VWC2L: variants seen among roughly 807,000 people sequenced by gnomAD.
VWC2L encodes the protein von Willebrand factor C domain containing 2 like, also known as von Willebrand factor C domain-containing protein 2-like.
VWC2L carries 10 observed loss-of-function variants against 21.6 expected under a neutral mutation model. The ratio of observed to expected loss-of-function variants is 0.46; its 90% CI spans 0.29 to 0.78. The LOEUF is 0.78. Ranked by LOEUF, VWC2L falls within the 30% of genes least tolerant of loss-of-function variation. The pLI, the probability that VWC2L is intolerant of heterozygous loss-of-function variation, is 0.10. For synonymous variants in VWC2L, 96 were observed against 94.3 expected (o/e 1.02, Z -0.10); for missense variants, 209 against 277.1 (o/e 0.75, Z 1.74).
intron 3 of VWC2L, among the ~76,000 whole-genome samples, chr2:214,508,089 G>T (rs1688993260): frequency 6.6e-6 from 1 of 152,072 alleles, no homozygotes; most frequent in South Asian, 2.1e-4. Flanking sequence ...CCATTCTCCT[G>T]CCTCAGCCTC....
At chr2:214,436,500 G>C in intron 2 of VWC2L, 129 bp from the exon 3 acceptor site, 2 of 1,204,650 alleles carry the variant, frequency 1.7e-6, no homozygotes, top group South Asian at 1.6e-5. Context: ...AATGATCGTA[G>C]ACATGGTAAA....
intron 3 of VWC2L, among the ~76,000 whole-genome samples, chr2:214,574,885 G>GA (rs926812613): frequency 6.6e-5 from 10 of 151,886 alleles, no homozygotes; most frequent in Non-Finnish European, 1.2e-4. Flanking sequence ...GGGAAAGACA[G>GA]AAAAAATTTT....
chr2:214,569,386 C>T (rs1157470070), intron 3 of VWC2L, among the ~76,000 whole-genome samples: 2 of 152,090 alleles, frequency 1.3e-5, no homozygotes, highest in Admixed American at 6.6e-5. Context: ...CTTCCCAATG[C>T]TTTATCATGG....
intron 3 of VWC2L, among the ~76,000 whole-genome samples, chr2:214,557,945 A>G (rs1398258069): frequency 6.6e-6 from 1 of 152,158 alleles, no homozygotes; most frequent in African/African-American, 2.4e-5. Context: ...TGTCTCTTAC[A>G]GCTACTGAAC....
chr2:214,477,795 T>G (rs955998955), intron 3 of VWC2L, among the ~76,000 whole-genome samples: 1 of 152,266 alleles, frequency 6.6e-6, no homozygotes, highest in Non-Finnish European at 1.5e-5. Flanking sequence ...GTTTCACTCA[T>G]TGTTAGATAA....
chr2:214,443,658 C>T lies in VWC2L; in HGVS notation c.520+6900C>T, dbSNP rs562287102. On this transcript the variant is annotated intron_variant, in intron 3 of 3. Transcript: ENST00000312504. Reference sequence around the variant, plus strand: ...GACAAATATTCTTGATAAAACAAGACTGAAGTGGACAATTTTTACATGATA... The same window carrying T: ...GACAAATATTCTTGATAAAACAAGATTGAAGTGGACAATTTTTACATGATA... Among the ~76,000 whole-genome samples, 8 of 152,188 alleles carry T rather than the reference C, an allele frequency of 5.3e-5. No individual in the cohort carries two copies. In the South Asian group the frequency reaches 1.7e-3, roughly 32 times the overall value.
At position 214,489,189 on chromosome 2, in the gene VWC2L, G is replaced by A. The variant is rs189645021; in HGVS notation, c.520+52431G>A. 2.4e-3 allele frequency among the ~76,000 whole-genome samples: 360 copies of A among 152,284 alleles called. 4 individuals carry two copies. The highest frequency in any genetic ancestry group is 3.1e-3 in the Non-Finnish European group (209 of 68,030). On this transcript the variant is annotated intron_variant, in intron 3 of 3. Coordinates refer to ENST00000312504, the MANE Select transcript of VWC2L (RefSeq NM_001080500.4). Reference sequence around the variant, plus strand: ...ATAGTAGCTGGCCATAGTCATATCAGCTAGTGCTCAAAGAAATCATTTTTA... The same window carrying A: ...ATAGTAGCTGGCCATAGTCATATCAACTAGTGCTCAAAGAAATCATTTTTA...
At chr2:214,526,387 T>C (rs748159734) in intron 3 of VWC2L, among the ~76,000 whole-genome samples, 1 of 152,164 alleles carries the variant, frequency 6.6e-6, no homozygotes, top group Non-Finnish European at 1.5e-5. Flanking sequence ...TCCTCCCTGC[T>C]CACACCTCCC....
intron 3 of VWC2L, among the ~76,000 whole-genome samples, chr2:214,461,266 G>A (rs1247564684): frequency 3.3e-5 from 5 of 152,196 alleles, no homozygotes; most frequent in Non-Finnish European, 7.4e-5. Flanking sequence ...GGGGCCAGAA[G>A]TAGCAGCAAT....
intron 3 of VWC2L, among the ~76,000 whole-genome samples, chr2:214,479,394 T>G (rs1456383669): frequency 6.6e-6 from 1 of 152,210 alleles, no homozygotes; most frequent in Non-Finnish European, 1.5e-5. Context: ...GTTGGACTTT[T>G]GGACTATAAA....
In VWC2L at chr2:214,414,169, C is replaced by T; in HGVS notation, c.-25C>T. The T allele has an allele frequency of 6.3e-7, 1 of 1,594,580 alleles. No homozygotes were observed. Among genetic ancestry groups the T allele is most frequent in the Non-Finnish European group, 8.5e-7 (1 of 1,175,582 alleles). Reference sequence around the variant, plus strand: ...CTGAGTATATTTAATATTAGGAGCACATCCAGAAGTCTTTGAAGAGGGGGA... The same window carrying T: ...CTGAGTATATTTAATATTAGGAGCATATCCAGAAGTCTTTGAAGAGGGGGA... On this transcript the variant is annotated 5_prime_UTR_variant, in exon 2 of 4. Transcript: ENST00000312504.
At chr2:214,463,486 A>C (rs1703171425) in intron 3 of VWC2L, among the ~76,000 whole-genome samples, 1 of 152,216 alleles carries the variant, frequency 6.6e-6, no homozygotes, top group East Asian at 1.9e-4. Flanking sequence ...TATAGATGAC[A>C]TATAGTTGGG....
At chr2:214,418,622 C>G (rs1702390253) in intron 2 of VWC2L, among the ~76,000 whole-genome samples, 1 of 152,166 alleles carries the variant, frequency 6.6e-6, no homozygotes, top group Non-Finnish European at 1.5e-5. Context: ...CCTCTATTCC[C>G]AACACCGTGT....
chr2:214,452,753 C>T (rs1702994455), intron 3 of VWC2L, among the ~76,000 whole-genome samples: 1 of 152,096 alleles, frequency 6.6e-6, no homozygotes, highest in Non-Finnish European at 1.5e-5. Flanking sequence ...CTTGGAATTA[C>T]CAGTCTTGTT....
intron 3 of VWC2L, among the ~76,000 whole-genome samples, chr2:214,507,100 T>G (rs911911364): frequency 6.6e-6 from 1 of 152,144 alleles, no homozygotes; most frequent in African/African-American, 2.4e-5. Context: ...AAGCATATTT[T>G]TATAAAATAT....
At chr2:214,490,615 AC>A (rs1688732727) in intron 3 of VWC2L, among the ~76,000 whole-genome samples, 1 of 152,162 alleles carries the variant, frequency 6.6e-6, no homozygotes, top group South Asian at 2.1e-4. Flanking sequence ...GAAGCCTTGG[AC>A]CAAAAAGAGA....
chr2:214,449,295 CAT>C (rs1443191821), intron 3 of VWC2L, among the ~76,000 whole-genome samples: 1 of 152,102 alleles, frequency 6.6e-6, no homozygotes, highest in African/African-American at 2.4e-5. Flanking sequence ...TCTCAGATAA[CAT>C]AGCATAGGGG....
chr2:214,419,417 G>A (rs1368730191), intron 2 of VWC2L, among the ~76,000 whole-genome samples: 2 of 152,182 alleles, frequency 1.3e-5, no homozygotes, highest in Admixed American at 1.3e-4. Flanking sequence ...ATTTTGCTCA[G>A]TATTTTTATA....
intron 3 of VWC2L, among the ~76,000 whole-genome samples, chr2:214,557,564 C>A (rs1689893041): frequency 6.6e-6 from 1 of 152,190 alleles, no homozygotes; most frequent in Admixed American, 6.5e-5. Context: ...CCTCTTGGGA[C>A]TGTCAACCCT....
Sources: gnomAD v4.1 joint callset for allele counts (sites outside exome capture counted in the v4.1 genomes callset) on GRCh38, gnomAD v4.1.1 for gene constraint, MANE v1.5 for transcripts, NCBI Gene and HGNC (gene_info 2026-07-23, HGNC 2026-07-21) for gene names.